Variants in POU1F1 observed in about 807,000 individuals in gnomAD.
The protein encoded by POU1F1 is pituitary-specific positive transcription factor 1.
POU1F1 carries 23 observed loss-of-function variants against 32.3 expected under a neutral mutation model. That is an observed-to-expected ratio of 0.71 (90% CI 0.51 to 1.01). The LOEUF (loss-of-function observed/expected upper bound fraction) is 1.01. Ranked by LOEUF, POU1F1 falls within the 50% of genes least tolerant of loss-of-function variation. The pLI is 0.00. For synonymous variants in POU1F1, 120 were observed against 115.6 expected, an observed-to-expected ratio of 1.04 and a Z score of -0.25; for missense variants, 323 against 341.6, an observed-to-expected ratio of 0.95 and a Z score of 0.43.
chr3:87,261,780 GA>G (rs1226755669), intron 4 of POU1F1, among the ~76,000 whole-genome samples: 2 of 152,072 alleles, frequency 1.3e-5, no homozygotes, highest in African/African-American at 2.4e-5. Flanking sequence ...TAAAAGAGAG[GA>G]AAAAAATGGA....
intron 3 of POU1F1, among the ~76,000 whole-genome samples, chr3:87,264,058 G>C (rs1236174010): frequency 6.6e-6 from 1 of 151,954 alleles, no homozygotes; most frequent in Non-Finnish European, 1.5e-5. Flanking sequence ...AACTAATGTT[G>C]AGGTAAGTTT....
Position 87,262,150 on chromosome 3 carries a change from A to G in POU1F1, c.525T>C (p.Asn175=), listed in dbSNP as rs777330391. 6 of 1,614,104 alleles carry G rather than the reference A, an allele frequency of 3.7e-6. No individual in the cohort carries two copies. In the South Asian group the frequency reaches 5.5e-5, roughly 15 times the overall value. Residue 175 remains asparagine, a synonymous_variant, in exon 4 of 6, where the codon AAT becomes AAC. Coordinates refer to ENST00000350375, the MANE Select transcript of POU1F1 (RefSeq NM_000306.4). ...ATGCATTTTTAAAGCTGAGCTGCAG[A>G]TTTTCAAATCGGCAGATTGTTGTTT... The part of the protein sequence containing the change: ...FSQTTICRFE[N]LQLSFKNACK...
chr3:87,276,495 G>A lies in POU1F1; in HGVS notation c.-33C>T, dbSNP rs775811831. 6.2e-7 allele frequency: 1 copy of A among 1,609,932 alleles called. No homozygotes were observed. Among genetic ancestry groups the A allele is most frequent in the African/African-American group, 1.3e-5 (1 of 74,914 alleles). On this transcript the variant is annotated 5_prime_UTR_variant, in exon 1 of 6. Coordinates refer to ENST00000350375, the MANE Select transcript of POU1F1 (RefSeq NM_000306.4). ...AGAGAGTAGAAAAATAAGGAGAACC[G>A]CTGCTCCCCAAATCAGAGTTTTATT...
chr3:87,264,368 T>G lies in POU1F1; in HGVS notation c.359A>C (p.Glu120Ala). Residue 120 changes from glutamate to alanine, a missense_variant, in exon 3 of 6, where the codon GAG (glutamate) becomes GCG (alanine). Transcript: ENST00000350375. ...ELRRKSKLVEEPIDMDSPEIR... is the reference protein window; with the variant it reads ...ELRRKSKLVEAPIDMDSPEIR... ...TTCTGGAGAATCCATGTCTATTGGC[T>G]CTTCCACCAATTTACTTTTCCGCCT... 1 of 1,613,998 alleles carries G rather than the reference T, an allele frequency of 6.2e-7. No homozygotes were observed. The highest frequency in any genetic ancestry group is 2.2e-5 in the East Asian group (1 of 44,858).
chr3:87,264,473 G>C lies in POU1F1; in HGVS notation c.254C>G (p.Thr85Ser). The C allele has an allele frequency of 1.9e-6, 3 of 1,612,646 alleles. No homozygotes were observed. The highest frequency in any genetic ancestry group is 2.5e-6 in the Non-Finnish European group (3 of 1,178,750). The change falls in exon 3 of 6, where the codon ACC becomes AGC. Residue 85 changes from threonine (T) to serine (S), a missense_variant. By Grantham distance (58) the Thr-to-Ser change is moderately conservative. Transcript: ENST00000350375. ...TATAGGAGGAAATCCATGACTCAAG[G>C]TGTGGTCAGGAAATTTATAAAGACA... ...TPCLYKFPDH[T>S]LSHGFPPIHQ...
At chr3:87,270,813 A>T (rs1706708495) in intron 2 of POU1F1, among the ~76,000 whole-genome samples, 1 of 152,046 alleles carries the variant, frequency 6.6e-6, no homozygotes, top group Non-Finnish European at 1.5e-5. Flanking sequence ...GTATTTTGTA[A>T]CTCAATTTAT....
chr3:87,266,305 G>A (rs1193796812), intron 2 of POU1F1, among the ~76,000 whole-genome samples: 1 of 142,726 alleles, frequency 7.0e-6, no homozygotes, highest in Admixed American at 7.0e-5. Flanking sequence ...TTAATTTAAT[G>A]TATTATTTAT....
intron 3 of POU1F1, 72 bp downstream of exon 3, chr3:87,264,216 T>C: frequency 8.4e-7 from 1 of 1,185,028 alleles, no homozygotes; most frequent in Non-Finnish European, 1.3e-6. Context: ...TTTAGCAATA[T>C]ATAAGAGATT....
At chr3:87,269,727 G>T (rs1706691080) in intron 2 of POU1F1, among the ~76,000 whole-genome samples, 1 of 152,024 alleles carries the variant, frequency 6.6e-6, no homozygotes, top group Non-Finnish European at 1.5e-5. Flanking sequence ...AAAAGAATTG[G>T]ATGCTCATCA....
At chr3:87,275,418 C>T (rs111669001) in intron 1 of POU1F1, among the ~76,000 whole-genome samples, 1,649 of 152,066 alleles carry the variant, frequency 0.011, 36 homozygotes, top group African/African-American at 0.037. Flanking sequence ...AATGTATCAA[C>T]TCAAACTTTG....
intron 3 of POU1F1, 130 bp downstream of exon 3, chr3:87,264,158 C>G (rs190541613): frequency 1.3e-6 from 1 of 746,068 alleles, no homozygotes; most frequent in African/African-American, 1.8e-5. Flanking sequence ...TCCATAACGA[C>G]TAACTACGTC....
chr3:87,260,686 A>G (rs1706492465), intron 5 of POU1F1, among the ~76,000 whole-genome samples: 1 of 152,282 alleles, frequency 6.6e-6, no homozygotes, highest in South Asian at 2.1e-4. Context: ...CAGAGCAATA[A>G]GTTATAGCTA....
intron 1 of POU1F1, among the ~76,000 whole-genome samples, chr3:87,273,756 C>T (rs1706771404): frequency 6.6e-6 from 1 of 152,106 alleles, no homozygotes; most frequent in Non-Finnish European, 1.5e-5. Flanking sequence ...CAATTTAGAC[C>T]TTGGCCCTTT....
At chr3:87,263,504 A>G (rs1217196726) in intron 3 of POU1F1, among the ~76,000 whole-genome samples, 1 of 152,152 alleles carries the variant, frequency 6.6e-6, no homozygotes, top group Non-Finnish European at 1.5e-5. Context: ...GGATGGTGAA[A>G]AAGATTCTCA....
intron 2 of POU1F1, among the ~76,000 whole-genome samples, chr3:87,267,876 G>A (rs1459732254): frequency 6.6e-6 from 1 of 152,036 alleles, no homozygotes; most frequent in African/African-American, 2.4e-5. Context: ...TGTAGTGCTA[G>A]AATTATAGGT....
In POU1F1 at chr3:87,272,421, G is replaced by A. The variant is rs192177024; in HGVS notation, c.214+926C>T. ...TGCACCCATTAACTTGTCATTTAGC[G>A]TTAGGTATATCTCCTAAAGCTATCT... On this transcript the variant is annotated intron_variant, in intron 2 of 5. Coordinates refer to ENST00000350375, the MANE Select transcript of POU1F1 (RefSeq NM_000306.4). 2.1e-3 allele frequency among the ~76,000 whole-genome samples: 313 copies of A among 152,216 alleles called. 5 individuals are homozygous for A. The highest frequency in any genetic ancestry group is 7.0e-3 in the African/African-American group (289 of 41,536).
At position 87,262,084 on chromosome 3, in the gene POU1F1, A is replaced by C; in HGVS notation, c.591T>G (p.Ala197=). 1 of 1,614,120 alleles carries C rather than the reference A, an allele frequency of 6.2e-7. No individual in the cohort carries two copies. The highest frequency in any genetic ancestry group is 8.5e-7 in the Non-Finnish European group (1 of 1,179,994). ...KAILSKWLEE[A]EQVGALYNEK... is the part of the protein sequence containing the mutation. ...ACAATTTAGTACCTCCTACTTGCTC[A>C]GCTTCCTCCAGCCATTTGGATAATA... The change falls in exon 4 of 6, where the codon GCT becomes GCG. Residue 197 remains alanine (A), a synonymous_variant. Coordinates refer to ENST00000350375, the MANE Select transcript of POU1F1 (RefSeq NM_000306.4).
At chr3:87,264,539 A>C (rs1304913339) in intron 2 of POU1F1, 27 bp from the exon 3 acceptor site, 1 of 1,507,950 alleles carries the variant, frequency 6.6e-7, no homozygotes, top group East Asian at 2.3e-5. Flanking sequence ...AAATAAAATG[A>C]AAAAGACCAT....
intron 3 of POU1F1, 62 bp from the exon 4 acceptor site, chr3:87,262,297 T>C: frequency 6.3e-7 from 1 of 1,578,086 alleles, no homozygotes; most frequent in Non-Finnish European, 8.7e-7. Flanking sequence ...TTTTGGTTCA[T>C]TGTCACACAA....
Sources: allele counts gnomAD v4.1 joint callset (sites outside exome capture counted in the v4.1 genomes callset), GRCh38; gene constraint gnomAD v4.1.1; transcripts MANE v1.5; gene names NCBI Gene and HGNC (gene_info 2026-07-23, HGNC 2026-07-21).